Variants in UTRN observed in about 807,000 individuals in gnomAD.
The protein encoded by UTRN is dystrophin-related protein 1.
UTRN carries 283 observed loss-of-function variants against 463.9 expected under a neutral mutation model. The ratio of observed to expected loss-of-function variants is 0.61; its 90% CI spans 0.55 to 0.67. The LOEUF (loss-of-function observed/expected upper bound fraction) is 0.67. UTRN is among the 30% of genes least tolerant of loss of function. The pLI, the probability that UTRN is intolerant of heterozygous loss-of-function variation, is 0.00. For synonymous variants in UTRN, 1,442 were observed against 1,431.5 expected (o/e 1.01, Z -0.17); for missense variants, 3,922 against 4,084.3 (o/e 0.96, Z 1.08).
At chr6:144,793,561 A>G (rs949979869) in intron 62 of UTRN, among the ~76,000 whole-genome samples, 1 of 152,246 alleles carries the variant, frequency 6.6e-6, no homozygotes, top group East Asian at 1.9e-4. Context: ...GATTTATATT[A>G]TATATGCATG....
rs1253785366 is a variant in UTRN at position 144,479,958 on chromosome 6, T to C, written c.3483T>C (p.Leu1161=). ...RDFEYKSPEE[L]ESAVEEMKRA... ...TTGAGTACAAGTCACCAGAAGAGCT[T>C]GAGAGTGCTGTGGAAGAGATGAAGG... The change falls in exon 26 of 75, where the codon CTT becomes CTC. Residue 1161 remains leucine (L), a synonymous_variant. Coordinates refer to ENST00000367545, the MANE Select transcript of UTRN (RefSeq NM_007124.3). 6.2e-7 allele frequency: 1 copy of C among 1,613,996 alleles called. No homozygotes were observed. Among genetic ancestry groups the C allele is most frequent in the Non-Finnish European group, 8.5e-7 (1 of 1,180,002 alleles).
intron 51 of UTRN, among the ~76,000 whole-genome samples, chr6:144,621,725 G>A (rs1050952111): frequency 2.0e-5 from 3 of 152,206 alleles, no homozygotes; most frequent in East Asian, 3.9e-4. Flanking sequence ...AATCACTGCC[G>A]TATCTTTTAC....
chr6:144,596,653 A>T (rs1803674604), intron 51 of UTRN, among the ~76,000 whole-genome samples: 1 of 152,210 alleles, frequency 6.6e-6, no homozygotes, highest in Admixed American at 6.5e-5. Flanking sequence ...AAAATTAATT[A>T]ATGAAATGTA....
At chr6:144,579,588 A>G (rs1436197431) in intron 51 of UTRN, among the ~76,000 whole-genome samples, 1 of 152,228 alleles carries the variant, frequency 6.6e-6, no homozygotes, top group Admixed American at 6.5e-5. Context: ...ATATTTAATG[A>G]ATATTCAAAC....
At chr6:144,503,729 G>T (rs1210802074) in intron 34 of UTRN, among the ~76,000 whole-genome samples, 1 of 152,050 alleles carries the variant, frequency 6.6e-6, no homozygotes, top group African/African-American at 2.4e-5. Context: ...GGCTATATGG[G>T]CTCTTTTTGT....
intron 2 of UTRN, among the ~76,000 whole-genome samples, chr6:144,360,584 A>T (rs1407091902): frequency 6.6e-6 from 1 of 152,204 alleles, no homozygotes; most frequent in African/African-American, 2.4e-5. Context: ...CCAGCTGCCC[A>T]CACCGGCATG....
At chr6:144,687,969 C>T (rs986421413) in intron 52 of UTRN, among the ~76,000 whole-genome samples, 5 of 152,124 alleles carry the variant, frequency 3.3e-5, no homozygotes, top group African/African-American at 4.8e-5. Context: ...TTTTCTTCTC[C>T]CTCAGGAACA....
intron 45 of UTRN, 124 bp downstream of exon 45, chr6:144,539,567 T>G: frequency 1.0e-6 from 1 of 955,470 alleles, no homozygotes; most frequent in East Asian, 2.8e-5. Flanking sequence ...TAAAGCTTAC[T>G]AATGTTTATA....
chr6:144,851,691 A>T lies in UTRN; in HGVS notation c.*694A>T, dbSNP rs1366848226. ...ACTTACTTCTTTGCTGACCACTTGG[A>T]TAACCGTAATAAAAATCCTATAAGC... On this transcript the variant is annotated 3_prime_UTR_variant, in exon 75 of 75. Transcript: ENST00000367545. 1 of 152,172 alleles carries T rather than the reference A, an allele frequency of 6.6e-6. No individual in the cohort carries two copies. The highest frequency in any genetic ancestry group is 2.4e-5 in the African/African-American group (1 of 41,446). 9.4% of individuals were successfully genotyped at this position (152,172 alleles called of 1,614,324 possible).
At chr6:144,321,461 C>CT (rs529134208) in intron 2 of UTRN, among the ~76,000 whole-genome samples, 4,533 of 100,418 alleles carry the variant, frequency 0.045, 478 homozygotes, top group Admixed American at 0.061. Flanking sequence ...TGTGCCATAT[C>CT]TTTTTTTTTT....
Position 144,491,238 on chromosome 6 carries a change from A to G in UTRN, c.4437+136A>G, listed in dbSNP as rs888758978. 7.3e-6 allele frequency: 6 copies of G among 820,354 alleles called. No homozygotes were observed. The African/African-American group carries it at 8.6e-5, about 12-fold the overall frequency. The allele number at this position is 820,354 out of a possible 1,614,324, so 50.8% of individuals were successfully genotyped here. A position where few individuals can be genotyped will look rare whatever the true frequency, so the allele number is the denominator to read the frequency against. Reference sequence around the variant, plus strand: ...TAAACATAAGGATTGATGATGGAAAACGTGTTAAAAAATAAGAAGTGTGGT... The same window carrying G: ...TAAACATAAGGATTGATGATGGAAAGCGTGTTAAAAAATAAGAAGTGTGGT... On this transcript the variant is annotated intron_variant, in intron 32 of 74. Coordinates refer to ENST00000367545, the MANE Select transcript of UTRN (RefSeq NM_007124.3).
chr6:144,388,608 C>A (rs1231964097), intron 2 of UTRN, among the ~76,000 whole-genome samples: 1 of 152,036 alleles, frequency 6.6e-6, no homozygotes, highest in Non-Finnish European at 1.5e-5. Context: ...AGGTGATCTT[C>A]CCACCTCAGC....
At chr6:144,618,062 A>C (rs965758252) in intron 51 of UTRN, among the ~76,000 whole-genome samples, 1 of 152,220 alleles carries the variant, frequency 6.6e-6, no homozygotes, top group African/African-American at 2.4e-5. Context: ...AAAAGAGAAT[A>C]CATGTGAGTG....
intron 51 of UTRN, among the ~76,000 whole-genome samples, chr6:144,670,340 C>T (rs1287280640): frequency 3.9e-5 from 6 of 151,930 alleles, no homozygotes; most frequent in Admixed American, 1.3e-4. Context: ...AAGGGGGTAT[C>T]ACATTGTGGT....
At chr6:144,801,875 T>G (rs972389858) in intron 64 of UTRN, among the ~76,000 whole-genome samples, 16 of 152,258 alleles carry the variant, frequency 1.1e-4, no homozygotes, top group Admixed American at 3.3e-4. Context: ...GGATGTCAGA[T>G]CCATTTTCCA....
rs1158826372 is a variant in UTRN, at chr6:144,761,604, CCA to C, written c.8495+3617_8495+3618del. Among the ~76,000 whole-genome samples the C allele has an allele frequency of 2.0e-5, 3 of 151,948 alleles. No individual in the cohort carries two copies. The East Asian group carries it at 5.8e-4, about 29-fold the overall frequency. On this transcript the variant is annotated intron_variant, in intron 58 of 74. Transcript: ENST00000367545. ...AAGACTGCAGTGAGCCATGATCACACCACTGCACTACAGTCTGGGCAACAGAG... is the reference window on the plus strand; with the variant it reads ...AAGACTGCAGTGAGCCATGATCACACCTGCACTACAGTCTGGGCAACAGAG...
intron 51 of UTRN, among the ~76,000 whole-genome samples, chr6:144,597,796 C>A (rs1237699172): frequency 1.3e-5 from 2 of 152,174 alleles, no homozygotes; most frequent in Non-Finnish European, 2.9e-5. Flanking sequence ...TTGCTTTTCT[C>A]ATTTCTCTGA....
chr6:144,539,411 A>G lies in UTRN; in HGVS notation c.6487A>G (p.Ser2163Gly), dbSNP rs552727205. ...ACCTGAAAGGGATAAAATTTCAGAA[A>G]GCTTAAGGACTGTAAATATGACATG... The part of the protein sequence containing the change: ...SLPERDKISE[S>G]LRTVNMTWNK... Residue 2163 changes from serine (S) to glycine (G), a missense_variant, in exon 45 of 75, where the codon AGC (serine) becomes GGC (glycine). Ser to Gly is a moderately conservative substitution (Grantham distance 56, BLOSUM62 0). Around this residue, in one of 3 missense-constraint regions of UTRN, gnomAD observed 2,349 missense variants for 2,303.8 expected, o/e 1.02. Coordinates refer to ENST00000367545, the MANE Select transcript of UTRN (RefSeq NM_007124.3). 4.7e-5 allele frequency: 76 copies of G among 1,613,022 alleles called. No homozygotes were observed. The highest frequency in any genetic ancestry group is 3.3e-4 in the Middle Eastern group (2 of 6,044).
intron 53 of UTRN, among the ~76,000 whole-genome samples, chr6:144,718,838 G>GA (rs1786787778): frequency 1.3e-5 from 2 of 152,246 alleles, no homozygotes; most frequent in Admixed American, 6.5e-5. Context: ...AGGCCATGGT[G>GA]AGGGAGTGTG....
Sources: gnomAD v4.1 joint callset for allele counts (sites outside exome capture counted in the v4.1 genomes callset) on GRCh38, gnomAD v4.1.1 for gene constraint, gnomAD v4.1.1 regional missense constraint, MANE v1.5 for transcripts, NCBI Gene and HGNC (gene_info 2026-07-23, HGNC 2026-07-21) for gene names.